PDLIM1: variants seen among roughly 807,000 people sequenced by gnomAD.
The protein encoded by PDLIM1 is PDZ and LIM domain 1.
Under a neutral mutation model 35.2 loss-of-function variants are expected in PDLIM1, and 25 were observed. The ratio of observed to expected loss-of-function variants is 0.71; its 90% CI spans 0.52 to 0.99. The LOEUF (loss-of-function observed/expected upper bound fraction) is 0.99, where lower values mean the gene tolerates loss of function less well. Ranked by LOEUF, PDLIM1 falls within the 50% of genes least tolerant of loss-of-function variation. The pLI, the probability that PDLIM1 is intolerant of heterozygous loss-of-function variation, is 0.00. For synonymous variants in PDLIM1, 152 were observed against 154.0 expected (o/e 0.99, Z 0.10); for missense variants, 363 against 415.3 (o/e 0.87, Z 1.09).
intron 4 of PDLIM1, among the ~76,000 whole-genome samples, chr10:95,256,974 TAAAAAAA>T (rs1186043233): frequency 1.2e-4 from 2 of 17,354 alleles, no homozygotes; most frequent in South Asian, 2.4e-3. Context: ...GACTTCATCT[TAAAAAAA>T]AAAAAAAAGA....
chr10:95,247,141 C>A (rs1221166540), intron 5 of PDLIM1, 74 bp downstream of exon 5: 3 of 1,370,234 alleles, frequency 2.2e-6, no homozygotes, highest in Non-Finnish European at 3.0e-6. Flanking sequence ...GTGTGTTCAC[C>A]TGTGCTTCCA....
chr10:95,276,785 G>C (rs2035514907), intron 1 of PDLIM1, among the ~76,000 whole-genome samples: 1 of 150,842 alleles, frequency 6.6e-6, no homozygotes, highest in South Asian at 2.1e-4. Flanking sequence ...GGCCACAGCA[G>C]GCTCCAGAGT....
chr10:95,254,034 T>C (rs1438431942), intron 4 of PDLIM1, among the ~76,000 whole-genome samples: 1 of 151,620 alleles, frequency 6.6e-6, no homozygotes, highest in African/African-American at 2.4e-5. Context: ...CTAAAAAAAA[T>C]GATGTCAAAT....
chr10:95,272,299 A>G (rs2035471864), intron 1 of PDLIM1, among the ~76,000 whole-genome samples: 1 of 152,222 alleles, frequency 6.6e-6, no homozygotes. Flanking sequence ...TATACAAAAG[A>G]AAGTGGAAAC....
At chr10:95,274,238 C>T (rs949667820) in intron 1 of PDLIM1, among the ~76,000 whole-genome samples, 5 of 151,596 alleles carry the variant, frequency 3.3e-5, no homozygotes, top group Non-Finnish European at 7.4e-5. Flanking sequence ...AACAACCCTT[C>T]TTCTCAAAGA....
intron 1 of PDLIM1, among the ~76,000 whole-genome samples, chr10:95,275,723 A>T (rs2035505033): frequency 6.6e-6 from 1 of 152,174 alleles, no homozygotes; most frequent in Admixed American, 6.5e-5. Flanking sequence ...TTTACGGTGA[A>T]CTGCTGAGAA....
chr10:95,255,900 TACACACACACAC>T (rs59292355), intron 4 of PDLIM1, among the ~76,000 whole-genome samples: 34 of 138,964 alleles, frequency 2.4e-4, no homozygotes, highest in South Asian at 4.9e-4. Flanking sequence ...CCCCCCCCAC[TACACACACACAC>T]ACACACACAC....
chr10:95,268,956 T>G (rs1427292099), intron 2 of PDLIM1, 94 bp from the exon 3 acceptor site: 1 of 860,948 alleles, frequency 1.2e-6, no homozygotes, highest in Non-Finnish European at 1.9e-6. Context: ...TTTCCTGGAC[T>G]AGGCACTGAA....
intron 1 of PDLIM1, among the ~76,000 whole-genome samples, chr10:95,288,420 T>C (rs2035620195): frequency 6.6e-6 from 1 of 152,248 alleles, no homozygotes; most frequent in African/African-American, 2.4e-5. Context: ...TGATAAATAA[T>C]GTAGCATACC....
At chr10:95,256,987 AAAGAAAGAAAGAAAG>A (rs1434158231) in intron 4 of PDLIM1, among the ~76,000 whole-genome samples, 3 of 45,570 alleles carry the variant, frequency 6.6e-5, no homozygotes, top group Non-Finnish European at 1.3e-4. Flanking sequence ...AAAAAAAAAA[AAAGAAAGAAAGAAAG>A]AAAGAAAGAA....
In PDLIM1 at chr10:95,290,801, A is replaced by C; in HGVS notation, c.96+19T>G. The C allele has an allele frequency of 6.6e-7, 1 of 1,518,000 alleles. No individual in the cohort carries two copies. Among genetic ancestry groups the C allele is most frequent in the Non-Finnish European group, 8.9e-7 (1 of 1,122,922 alleles). The allele number at this position is 1,518,000 out of a possible 1,614,324, so 94.0% of individuals were successfully genotyped here. A position where few individuals can be genotyped will look rare whatever the true frequency, so the allele number is the denominator to read the frequency against. ...CTCCCATAGCGCCCCGCTTCCACGC[A>C]CGTCCCAGCTGCTCTTACCCGGGAA... On this transcript the variant is annotated intron_variant, in intron 1 of 6. Transcript: ENST00000329399. The surrounding 1 kb of genome is among the most constrained non-coding windows in gnomAD (Gnocchi z 4.7).
chr10:95,270,801 A>T (rs1445323466), intron 2 of PDLIM1, among the ~76,000 whole-genome samples: 1 of 151,912 alleles, frequency 6.6e-6, no homozygotes, highest in Non-Finnish European at 1.5e-5. Flanking sequence ...CCCAGGCTGG[A>T]GTGCAGTGAC....
At chr10:95,280,094 G>A (rs1031294858) in intron 1 of PDLIM1, among the ~76,000 whole-genome samples, 9 of 152,060 alleles carry the variant, frequency 5.9e-5, no homozygotes, top group African/African-American at 2.2e-4. Flanking sequence ...ACAAATTTTA[G>A]GCCAGGCATG....
intron 4 of PDLIM1, among the ~76,000 whole-genome samples, chr10:95,261,830 G>A (rs897562456): frequency 2.0e-5 from 3 of 152,134 alleles, no homozygotes; most frequent in African/African-American, 7.2e-5. Flanking sequence ...TCAACATGGA[G>A]AAACCCCATC....
intron 1 of PDLIM1, among the ~76,000 whole-genome samples, chr10:95,283,107 T>G (rs2035574069): frequency 6.6e-6 from 1 of 152,220 alleles, no homozygotes; most frequent in African/African-American, 2.4e-5. Flanking sequence ...CAAATGAAAT[T>G]TATAATGCAT....
rs1012127340 is a variant in PDLIM1 at position 95,271,726 on chromosome 10, G to T, written c.155C>A (p.Ala52Asp). 1.2e-6 allele frequency: 2 copies of T among 1,612,876 alleles called. No homozygotes were observed. Among genetic ancestry groups the T allele is most frequent in the Non-Finnish European group, 1.7e-6 (2 of 1,179,456 alleles). The change falls in exon 2 of 7, where the codon GCC becomes GAC. Residue 52 changes from alanine (A) to aspartate (D), a missense_variant. Ala to Asp is a moderately radical substitution (Grantham distance 126, BLOSUM62 -2). Transcript: ENST00000329399. ...ANLCIGDVITAIDGENTSNMT... is the reference protein window; with the variant it reads ...ANLCIGDVITDIDGENTSNMT... ...ATTGCTAGTATTTTCCCCATCAATG[G>T]CTGTGATTACATCTCCAATACATAA...
chr10:95,273,756 T>C (rs544321676), intron 1 of PDLIM1, among the ~76,000 whole-genome samples: 3 of 152,152 alleles, frequency 2.0e-5, no homozygotes, highest in Non-Finnish European at 4.4e-5. Flanking sequence ...GCCGCTCTCA[T>C]TTCAGTCAAC....
At chr10:95,269,012 A>G (rs1022239585) in intron 2 of PDLIM1, 150 bp from the exon 3 acceptor site, 2 of 634,080 alleles carry the variant, frequency 3.2e-6, no homozygotes, top group South Asian at 1.8e-5. Context: ...CACCAGGTTG[A>G]TCTTTTAAAC....
chr10:95,263,729 A>C (rs2035386010), intron 4 of PDLIM1, 135 bp downstream of exon 4: 2 of 618,140 alleles, frequency 3.2e-6, no homozygotes, highest in East Asian at 5.5e-5. Flanking sequence ...AAGAAAATGA[A>C]CACAGAAGTG....
Sources: gnomAD v4.1 joint callset for allele counts (sites outside exome capture counted in the v4.1 genomes callset) on GRCh38, gnomAD v4.1.1 for gene constraint, Gnocchi (gnomAD v3.1) non-coding constraint, MANE v1.5 for transcripts, NCBI Gene and HGNC (gene_info 2026-07-23, HGNC 2026-07-21) for gene names.